Variants in SORCS1 observed in about 807,000 individuals in gnomAD.
SORCS1 encodes VPS10 domain-containing receptor SorCS1.
In SORCS1, 60 loss-of-function variants were observed where a neutral mutation model predicts 146.1. That is an observed-to-expected ratio of 0.41 (90% confidence interval 0.33 to 0.51). The LOEUF (loss-of-function observed/expected upper bound fraction) is 0.51, where lower values mean the gene tolerates loss of function less well. SORCS1 is among the 20% of genes least tolerant of loss of function. SORCS1 has a pLI of 0.21. For missense variants in SORCS1, 1,352 were observed against 1,487.6 expected (o/e 0.91, Z 1.50); for synonymous variants, 637 against 584.0 (o/e 1.09, Z -1.31).
intron 1 of SORCS1, among the ~76,000 whole-genome samples, chr10:107,114,258 C>A (rs1429337367): frequency 6.6e-6 from 1 of 152,132 alleles, no homozygotes; most frequent in Non-Finnish European, 1.5e-5. Context: ...GAGAGGACAT[C>A]TCCAAACTAA....
intron 1 of SORCS1, among the ~76,000 whole-genome samples, chr10:107,089,118 C>A (rs1963979778): frequency 6.6e-6 from 1 of 152,104 alleles, no homozygotes; most frequent in African/African-American, 2.4e-5. Flanking sequence ...TCATAATCAC[C>A]CAAAGCCAAA....
At chr10:106,684,980 C>A (rs545387550) in intron 10 of SORCS1, among the ~76,000 whole-genome samples, 3 of 152,302 alleles carry the variant, frequency 2.0e-5, no homozygotes, top group Admixed American at 2.0e-4. Context: ...CTTTCTGAAG[C>A]TCAGGTTGAA....
chr10:107,027,199 A>G (rs560396202), intron 1 of SORCS1, among the ~76,000 whole-genome samples: 2 of 152,010 alleles, frequency 1.3e-5, no homozygotes, highest in Admixed American at 1.3e-4. Flanking sequence ...CACTGTTTAA[A>G]ATAGAATCAG....
intron 2 of SORCS1, among the ~76,000 whole-genome samples, chr10:106,925,466 G>A (rs1952967508): frequency 6.6e-6 from 1 of 152,158 alleles, no homozygotes; most frequent in African/African-American, 2.4e-5. Context: ...GAAATACAGA[G>A]GCTAAGAGGT....
chr10:107,134,393 C>G (rs1967105346), intron 1 of SORCS1, among the ~76,000 whole-genome samples: 1 of 152,150 alleles, frequency 6.6e-6, no homozygotes, highest in Non-Finnish European at 1.5e-5. Flanking sequence ...AATCCCAGAA[C>G]TTTGGGAGGC....
intron 2 of SORCS1, among the ~76,000 whole-genome samples, chr10:106,879,077 G>C (rs1313514650): frequency 6.6e-6 from 1 of 151,418 alleles, no homozygotes; most frequent in East Asian, 1.9e-4. Context: ...GTGAACCCGG[G>C]AGGCAGAGCT....
chr10:106,607,084 T>C, intron 23 of SORCS1, 82 bp downstream of exon 23: 5 of 1,551,968 alleles, frequency 3.2e-6, no homozygotes, highest in East Asian at 2.2e-5. Context: ...CACCAGTTTA[T>C]GGGTCAGAAA....
intron 5 of SORCS1, among the ~76,000 whole-genome samples, chr10:106,751,455 T>A (rs1162874515): frequency 6.6e-6 from 1 of 152,166 alleles, no homozygotes; most frequent in Non-Finnish European, 1.5e-5. Flanking sequence ...CTGAAATGTA[T>A]CAAGACCTGT....
At chr10:107,029,686 A>G (rs1958563179) in intron 1 of SORCS1, among the ~76,000 whole-genome samples, 2 of 152,230 alleles carry the variant, frequency 1.3e-5, no homozygotes, top group Admixed American at 1.3e-4. Flanking sequence ...AAATTAGGCC[A>G]TTGATACTTT....
At chr10:106,590,656 GT>G (rs989025710) in intron 24 of SORCS1, among the ~76,000 whole-genome samples, 2 of 151,986 alleles carry the variant, frequency 1.3e-5, no homozygotes, top group African/African-American at 4.8e-5. Context: ...GCTGTTTTAT[GT>G]TTTTGTTTTT....
chr10:107,096,972 C>CCAATCTT (rs1964585705), intron 1 of SORCS1, among the ~76,000 whole-genome samples: 1 of 152,178 alleles, frequency 6.6e-6, no homozygotes, highest in South Asian at 2.1e-4. Context: ...CTAGTTTTCT[C>CCAATCTT]CAATCTTCAA....
chr10:106,867,767 C>T (rs1264518905), intron 2 of SORCS1, among the ~76,000 whole-genome samples: 1 of 152,146 alleles, frequency 6.6e-6, no homozygotes, highest in Non-Finnish European at 1.5e-5. Flanking sequence ...CTTAAATACA[C>T]AGACCAGTAA....
At chr10:106,963,707 T>C (rs562024402) in intron 1 of SORCS1, among the ~76,000 whole-genome samples, 3 of 152,226 alleles carry the variant, frequency 2.0e-5, no homozygotes, top group South Asian at 4.1e-4. Flanking sequence ...AGAACTTCCA[T>C]AATTTTCAGA....
At chr10:106,821,050 G>T (rs896272877) in intron 3 of SORCS1, among the ~76,000 whole-genome samples, 4 of 152,164 alleles carry the variant, frequency 2.6e-5, no homozygotes, top group Admixed American at 2.6e-4. Context: ...AAAACAAATT[G>T]TTCTCAAAGA....
intron 3 of SORCS1, among the ~76,000 whole-genome samples, chr10:106,799,462 A>C (rs1946756788): frequency 6.6e-6 from 1 of 152,218 alleles, no homozygotes; most frequent in African/African-American, 2.4e-5. Context: ...AATGGAAGAA[A>C]ATTTTTGCAA....
rs754626952 is a variant in SORCS1, at chr10:106,597,344, C to T, written c.3265+7G>A. ...ACCAGCCAGAACCCCGGGACATGGA[C>T]ACTGACCCGCTGTTAAGTGAGCAGC... On this transcript the variant is annotated splice_region_variant and intron_variant, in intron 24 of 25. Transcript: ENST00000263054. The T allele has an allele frequency of 1.2e-6, 2 of 1,613,352 alleles. No homozygotes were observed. The highest frequency in any genetic ancestry group is 1.3e-5 in the African/African-American group (1 of 75,020).
At chr10:107,125,956 C>T (rs182576257) in intron 1 of SORCS1, among the ~76,000 whole-genome samples, 17 of 152,264 alleles carry the variant, frequency 1.1e-4, no homozygotes, top group Admixed American at 4.6e-4. Context: ...TTCCTTTTGT[C>T]CCTAAGGTGA....
At chr10:106,700,710 G>A (rs137928323) in intron 8 of SORCS1, among the ~76,000 whole-genome samples, 8 of 152,188 alleles carry the variant, frequency 5.3e-5, no homozygotes, top group East Asian at 3.9e-4. Flanking sequence ...TCCTCTAGAC[G>A]TGTAGGAACA....
At chr10:106,902,355 A>G in intron 2 of SORCS1, among the ~76,000 whole-genome samples, 1 of 152,284 alleles carries the variant, frequency 6.6e-6, no homozygotes, top group South Asian at 2.1e-4. Context: ...ATTTGTCTTG[A>G]AAATTATCAA....
Sources: allele counts gnomAD v4.1 joint callset (sites outside exome capture counted in the v4.1 genomes callset), GRCh38; gene constraint gnomAD v4.1.1; transcripts MANE v1.5; gene names NCBI Gene and HGNC (gene_info 2026-07-23, HGNC 2026-07-21).